PCDHGA6: variants seen among roughly 807,000 people sequenced by gnomAD.
The protein encoded by PCDHGA6 is protocadherin gamma subfamily A, 6, also known as protocadherin gamma-A6.
PCDHGA6 carries 41 observed loss-of-function variants against 60.6 expected under a neutral mutation model. The ratio of observed to expected loss-of-function variants is 0.68; its 90% confidence interval spans 0.53 to 0.88. The LOEUF is 0.88. Ranked by LOEUF, PCDHGA6 falls within the 40% of genes least tolerant of loss-of-function variation. The pLI is 0.00. For synonymous variants in PCDHGA6, 594 were observed against 524.4 expected, an observed-to-expected ratio of 1.13 and a Z score of -1.81; for missense variants, 1,312 against 1,203.0, an observed-to-expected ratio of 1.09 and a Z score of -1.34.
rs749086929 is a variant in PCDHGA6, at chr5:141,485,998, T to A, written c.2425-8809T>A. ...CAGACCCGGACCTGGGTCCCAGTGG[T>A]AACGTCACCTTTTATTTCAGTGGTC... On this transcript the variant is annotated intron_variant, in intron 1 of 3. Transcript: ENST00000517434. The surrounding 1 kb of genome is among the most constrained non-coding windows in gnomAD (Gnocchi z 5.7). 2.4e-5 allele frequency: 38 copies of A among 1,614,068 alleles called. No individual in the cohort carries two copies. Among genetic ancestry groups the A allele is most frequent in the Non-Finnish European group, 3.1e-5 (37 of 1,180,046 alleles).
At chr5:141,423,833 T>A in intron 1 of PCDHGA6, 1 of 1,262,398 alleles carries the variant, frequency 7.9e-7, no homozygotes, top group Non-Finnish European at 1.0e-6. Context: ...TTCATGAGAT[T>A]ACGATAATCT....
chr5:141,389,177 C>T, intron 1 of PCDHGA6: 1 of 1,614,052 alleles, frequency 6.2e-7, no homozygotes. Context: ...CTCCCCTCTC[C>T]TCCAGTTCCA....
intron 1 of PCDHGA6, among the ~76,000 whole-genome samples, chr5:141,430,204 AATT>A (rs1179966513): frequency 6.6e-6 from 1 of 151,962 alleles, no homozygotes; most frequent in African/African-American, 2.4e-5. Context: ...AGAAAGTTTA[AATT>A]ATTATATTAT....
chr5:141,444,722 C>T (rs72790051), intron 1 of PCDHGA6, among the ~76,000 whole-genome samples: 3,290 of 152,024 alleles, frequency 0.022, 51 homozygotes, highest in South Asian at 0.038. Flanking sequence ...TGCTTGGTGC[C>T]TTTGTTGAAA....
intron 3 of PCDHGA6, among the ~76,000 whole-genome samples, chr5:141,505,926 G>A (rs114056147): frequency 0.012 from 1,893 of 152,254 alleles, 12 homozygotes; most frequent in Middle Eastern, 0.034. Context: ...TGGGCCTGGC[G>A]CTTGGAAGCC....
At chr5:141,497,827 C>T (rs1390986916) in intron 2 of PCDHGA6, among the ~76,000 whole-genome samples, 3 of 152,188 alleles carry the variant, frequency 2.0e-5, no homozygotes, top group East Asian at 3.9e-4. Flanking sequence ...GGTGTGATCG[C>T]CCCCGGCCAC....
rs762574320 is a variant in PCDHGA6, at chr5:141,485,926, G to T, written c.2425-8881G>T. 2.5e-6 allele frequency: 4 copies of T among 1,614,090 alleles called. No individual in the cohort carries two copies. The highest frequency in any genetic ancestry group is 3.4e-6 in the Non-Finnish European group (4 of 1,180,052). On this transcript the variant is annotated intron_variant, in intron 1 of 3. Transcript: ENST00000517434. This position sits in a 1 kb window ranked among gnomAD's most constrained non-coding sequence, Gnocchi z 5.7. Reference sequence around the variant, plus strand: ...AGCAATCCAGCTACAGGATTAGTGTGTTGGAGAGCGCACCAGCGGGCATGG... The same window carrying T: ...AGCAATCCAGCTACAGGATTAGTGTTTTGGAGAGCGCACCAGCGGGCATGG...
In PCDHGA6 at chr5:141,410,620, G is replaced by C. The variant is rs765125633; in HGVS notation, c.2424+34113G>C. ...CTTCACATCCTGAGACTCTGACTTC[G>C]GTGAGTTTCTCTTTTTTGTGTGTGA... On this transcript the variant is annotated intron_variant, in intron 1 of 3. Coordinates refer to ENST00000517434, the MANE Select transcript of PCDHGA6 (RefSeq NM_018919.3). The C allele has an allele frequency of 3.4e-5, 55 of 1,603,406 alleles. 1 individual carries two copies. The highest frequency in any genetic ancestry group is 2.8e-4 in the Admixed American group (17 of 59,744).
chr5:141,422,477 A>G (rs1230502545), intron 1 of PCDHGA6: 2 of 1,613,904 alleles, frequency 1.2e-6, no homozygotes, highest in Admixed American at 1.7e-5. Flanking sequence ...GAGTTGGTCC[A>G]GAGCTACAAT....
At chr5:141,400,547 C>A (rs534226736) in intron 1 of PCDHGA6, 12 of 1,613,676 alleles carry the variant, frequency 7.4e-6, no homozygotes, top group African/African-American at 2.7e-5. Flanking sequence ...TATGTCTATT[C>A]TTTTTCATTA....
intron 1 of PCDHGA6, chr5:141,379,619 T>C (rs1045405424): frequency 6.6e-6 from 1 of 152,170 alleles, no homozygotes; most frequent in African/African-American, 2.4e-5. Context: ...TTTAAACAAA[T>C]AAAATATTTC....
Position 141,376,478 on chromosome 5 carries a change from G to A in PCDHGA6, c.2395G>A (p.Glu799Lys), listed in dbSNP as rs761214015. The change falls in exon 1 of 4, where the codon GAA (glutamate) becomes AAA (lysine). Residue 799 changes from glutamate (E) to lysine (K), a missense_variant. Physicochemically the swap from Glu to Lys is moderately conservative, Grantham distance 56. Coordinates refer to ENST00000517434, the MANE Select transcript of PCDHGA6 (RefSeq NM_018919.3). ...EPLLITQDLLETKGEPRQLQQ... is the reference protein window; with the variant it reads ...EPLLITQDLLKTKGEPRQLQQ... ...TCTTCTGATAACTCAGGATTTACTT[G>A]AAACGAAAGGAGAACCCAGGCAACT... The A allele has an allele frequency of 1.9e-6, 3 of 1,614,176 alleles. No individual in the cohort carries two copies. The South Asian group carries it at 3.3e-5, about 18-fold the overall frequency.
chr5:141,431,719 A>G lies in PCDHGA6; in HGVS notation c.2424+55212A>G. On this transcript the variant is annotated intron_variant, in intron 1 of 3. Transcript: ENST00000517434. This position sits in a 1 kb window ranked among gnomAD's most constrained non-coding sequence, Gnocchi z 4.8. ...CAGGATTCTACCAGATGGAAGTGCA[A>G]GCAATGGATAATGCAGGATATTCTG... 6.2e-7 allele frequency: 1 copy of G among 1,614,244 alleles called. No individual in the cohort carries two copies. Among genetic ancestry groups the G allele is most frequent in the Non-Finnish European group, 8.5e-7 (1 of 1,180,050 alleles).
intron 1 of PCDHGA6, chr5:141,392,736 C>T: frequency 2.8e-6 from 4 of 1,429,672 alleles, no homozygotes; most frequent in Non-Finnish European, 3.7e-6. Context: ...TTGTCATCTC[C>T]ATAGCTGCGG....
intron 1 of PCDHGA6, chr5:141,414,517 G>A: frequency 6.2e-7 from 1 of 1,613,964 alleles, no homozygotes; most frequent in Non-Finnish European, 8.5e-7. Context: ...ACAAGTGGCA[G>A]ATATCAATGA....
rs574905149 is a variant in PCDHGA6 at position 141,400,501 on chromosome 5, G to C, written c.2424+23994G>C. 1 of 1,613,878 alleles carries C rather than the reference G, an allele frequency of 6.2e-7. No homozygotes were observed. The highest frequency in any genetic ancestry group is 1.7e-5 in the Admixed American group (1 of 60,012). On this transcript the variant is annotated intron_variant, in intron 1 of 3. Transcript: ENST00000517434. ...CTTATTTCCACTTTGTAATTCCAGC[G>C]AGTCGACTTCCCATCCTGAGTTGGT...
intron 1 of PCDHGA6, chr5:141,427,689 A>C (rs3749765): frequency 0.15 from 132,103 of 873,882 alleles, 11,769 homozygotes; most frequent in African/African-American, 0.33. Flanking sequence ...CGGAGCCTCC[A>C]TCCCACAAGT....
intron 2 of PCDHGA6, among the ~76,000 whole-genome samples, chr5:141,497,621 C>T (rs769483223): frequency 7.3e-5 from 11 of 151,482 alleles, no homozygotes; most frequent in Non-Finnish European, 1.3e-4. Flanking sequence ...CTCACTGCAA[C>T]CTCTGCCTGC....
intron 1 of PCDHGA6, chr5:141,405,044 G>A (rs769617162): frequency 6.2e-7 from 1 of 1,613,938 alleles, no homozygotes; most frequent in Admixed American, 1.7e-5. Context: ...TGTGGCTGTG[G>A]CAGTCGTCTC....
Sources: gnomAD v4.1 joint callset for allele counts (sites outside exome capture counted in the v4.1 genomes callset) on GRCh38, gnomAD v4.1.1 for gene constraint, Gnocchi (gnomAD v3.1) non-coding constraint, MANE v1.5 for transcripts, NCBI Gene and HGNC (gene_info 2026-07-23, HGNC 2026-07-21) for gene names.